PCDHA2: variants seen among roughly 807,000 people sequenced by gnomAD.
PCDHA2 encodes protocadherin alpha 2, also known as protocadherin alpha-2.
In PCDHA2, 58 loss-of-function variants were observed where a neutral mutation model predicts 66.0. The observed-to-expected ratio is 0.88, with a 90% confidence interval of 0.71 to 1.09. PCDHA2 has a LOEUF of 1.09. PCDHA2 is among the 50% of genes least tolerant of loss of function. The probability of loss-of-function intolerance (pLI) is 0.00; values close to 1 mark genes in which losing one functional copy is unlikely to be tolerated. For missense variants in PCDHA2, 1,267 were observed against 1,242.3 expected, an observed-to-expected ratio of 1.02 and a Z score of -0.30; for synonymous variants, 634 against 554.0, an observed-to-expected ratio of 1.14 and a Z score of -2.03.
chr5:140,850,372 T>C, intron 1 of PCDHA2: 1 of 1,597,806 alleles, frequency 6.3e-7, no homozygotes, highest in African/African-American at 1.3e-5. Context: ...CGCGTGGGGC[T>C]GTACACGGGC....
At chr5:140,883,758 G>C (rs781858673) in intron 1 of PCDHA2, 4 of 1,612,920 alleles carry the variant, frequency 2.5e-6, no homozygotes, top group Non-Finnish European at 3.4e-6. Context: ...CTGGTGGAGC[G>C]GCGGGTGGGC....
At chr5:140,937,316 C>T (rs1355509287) in intron 1 of PCDHA2, among the ~76,000 whole-genome samples, 7 of 152,044 alleles carry the variant, frequency 4.6e-5, no homozygotes, top group Admixed American at 3.9e-4. Context: ...GGATTACAGG[C>T]GTGAGCCACC....
intron 1 of PCDHA2, chr5:140,883,089 A>G (rs1403331305): frequency 1.1e-5 from 17 of 1,614,038 alleles, no homozygotes; most frequent in Non-Finnish European, 1.4e-5. Context: ...GATGGTACAA[A>G]TGGAGATATA....
intron 1 of PCDHA2, chr5:140,843,660 T>C (rs2150364651): frequency 6.3e-7 from 1 of 1,594,154 alleles, no homozygotes; most frequent in Non-Finnish European, 8.6e-7. Flanking sequence ...CCTCCTGATC[T>C]GGGATCAGTT....
intron 1 of PCDHA2, among the ~76,000 whole-genome samples, chr5:140,843,972 G>T (rs1779162813): frequency 6.7e-6 from 1 of 149,122 alleles, no homozygotes; most frequent in Non-Finnish European, 1.5e-5. Flanking sequence ...ATTTATTTTG[G>T]CCTGCCTTAC....
At chr5:140,819,337 T>A (rs2150103894) in intron 1 of PCDHA2, among the ~76,000 whole-genome samples, 1 of 152,302 alleles carries the variant, frequency 6.6e-6, no homozygotes, top group East Asian at 1.9e-4. Context: ...AAAGGACATT[T>A]GTACCCTTAT....
Position 140,842,831 on chromosome 5 carries a change from C to T in PCDHA2, c.2388+45479C>T, listed in dbSNP as rs2150345753. On this transcript the variant is annotated intron_variant, in intron 1 of 3. Transcript: ENST00000526136. ...GGAGCGGCGGGTGGGCGAGCGCTCG[C>T]TGTCGAGCTACATTTCGGTGCACAC... The T allele has an allele frequency of 5.5e-5, 88 of 1,593,856 alleles. 9 individuals are homozygous for T. The highest frequency in any genetic ancestry group is 1.7e-4 in the Admixed American group (10 of 59,288).
rs782516369 is a variant in PCDHA2 at position 140,857,545 on chromosome 5, C to T, written c.2388+60193C>T. The T allele has an allele frequency of 1.9e-6, 3 of 1,596,810 alleles. 1 individual carries two copies. The highest frequency in any genetic ancestry group is 1.1e-5 in the South Asian group (1 of 90,486). On this transcript the variant is annotated intron_variant, in intron 1 of 3. Transcript: ENST00000526136. ...ACTCTCTGGTGGAGCGGCGGTTGGGCGAGCGCTCGCTGTCGAGCTACGTGT... is the reference window on the plus strand; with the variant it reads ...ACTCTCTGGTGGAGCGGCGGTTGGGTGAGCGCTCGCTGTCGAGCTACGTGT...
At chr5:140,805,032 G>T (rs781952381) in intron 1 of PCDHA2, 54 of 1,582,656 alleles carry the variant, frequency 3.4e-5, no homozygotes, top group Non-Finnish European at 4.5e-5. Context: ...GAATATAATA[G>T]AGTCAGCCAA....
chr5:140,863,474 G>A (rs1440662117), intron 1 of PCDHA2: 3 of 480,748 alleles, frequency 6.2e-6, no homozygotes, highest in African/African-American at 2.0e-5. Context: ...CTGGAGAGTC[G>A]CCTCCCAAGG....
At chr5:140,956,565 A>G (rs190736286) in intron 1 of PCDHA2, among the ~76,000 whole-genome samples, 2 of 152,284 alleles carry the variant, frequency 1.3e-5, no homozygotes, top group Non-Finnish European at 2.9e-5. Flanking sequence ...TATCTTATTG[A>G]GGATTTTTGC....
intron 1 of PCDHA2, chr5:140,882,816 A>G (rs2059323174): frequency 1.9e-6 from 3 of 1,614,266 alleles, no homozygotes; most frequent in Non-Finnish European, 1.7e-6. Flanking sequence ...TTGGACGCAC[A>G]AAACAGTCTT....
intron 1 of PCDHA2, chr5:140,869,622 TA>T: frequency 6.2e-7 from 1 of 1,613,790 alleles, no homozygotes; most frequent in Non-Finnish European, 8.5e-7. Context: ...ACAGGCTAAG[TA>T]AAAATGAGTA....
At chr5:140,918,324 A>G (rs782356672) in intron 1 of PCDHA2, among the ~76,000 whole-genome samples, 1 of 152,058 alleles carries the variant, frequency 6.6e-6, no homozygotes, top group Non-Finnish European at 1.5e-5. Flanking sequence ...ATAAAATTAT[A>G]TTGTCTGCTA....
intron 1 of PCDHA2, chr5:140,882,896 T>G (rs1554176010): frequency 6.2e-7 from 1 of 1,614,212 alleles, no homozygotes. Flanking sequence ...GGAACATAGT[T>G]TATTACTGAC....
rs1041810006 is a variant in PCDHA2, at chr5:140,826,282, C to T, written c.2388+28930C>T. Among the ~76,000 whole-genome samples the T allele has an allele frequency of 1.1e-4, 16 of 152,038 alleles. 2 individuals carry two copies. Among genetic ancestry groups the T allele is most frequent in the Admixed American group, 5.2e-4 (8 of 15,262 alleles). ...AAGTCTTTATGTATATTTTGTGCAGCTTGTCTTTTTTATAGGAACCTCTTG... is the reference window on the plus strand; with the variant it reads ...AAGTCTTTATGTATATTTTGTGCAGTTTGTCTTTTTTATAGGAACCTCTTG... On this transcript the variant is annotated intron_variant, in intron 1 of 3. Transcript: ENST00000526136.
intron 1 of PCDHA2, among the ~76,000 whole-genome samples, chr5:140,839,780 T>G (rs1258121900): frequency 2.0e-5 from 3 of 152,092 alleles, no homozygotes; most frequent in African/African-American, 7.2e-5. Context: ...GGTAAGAATT[T>G]TGTAGAAATT....
At chr5:140,809,382 G>A (rs1554125176) in intron 1 of PCDHA2, 3 of 1,614,046 alleles carry the variant, frequency 1.9e-6, no homozygotes, top group East Asian at 4.5e-5. Context: ...GAGGGCGCGT[G>A]CGCTCCGGGC....
intron 1 of PCDHA2, chr5:140,967,899 C>G: frequency 6.2e-7 from 1 of 1,614,180 alleles, no homozygotes; most frequent in African/African-American, 1.3e-5. Flanking sequence ...CCTGAGAATG[C>G]TACACCCAAC....
Sources: allele counts gnomAD v4.1 joint callset (sites outside exome capture counted in the v4.1 genomes callset), GRCh38; gene constraint gnomAD v4.1.1; transcripts MANE v1.5; gene names NCBI Gene and HGNC (gene_info 2026-07-23, HGNC 2026-07-21).